Variants in CPLX4 observed in about 807,000 individuals in gnomAD.
CPLX4 encodes the protein complexin-4.
Under a neutral mutation model 16.1 loss-of-function variants are expected in CPLX4, and 17 were observed. That is an observed-to-expected ratio of 1.06 (90% CI 0.72 to 1.59). CPLX4 has a LOEUF of 1.59. Ranked by LOEUF, CPLX4 falls within the 40% of genes most tolerant of loss-of-function variation. CPLX4 has a pLI of 0.00. For missense variants in CPLX4, 193 were observed against 192.9 expected, an observed-to-expected ratio of 1.00 and a Z score of 0.00; for synonymous variants, 55 against 57.8, an observed-to-expected ratio of 0.95 and a Z score of 0.22.
chr18:59,312,650 T>C (rs892839806), intron 2 of CPLX4, 35 bp downstream of exon 2: 10 of 871,050 alleles, frequency 1.1e-5, no homozygotes, highest in Admixed American at 1.8e-5. Context: ...TTATCATTAA[T>C]TAAGAAATGA....
intron 2 of CPLX4, among the ~76,000 whole-genome samples, chr18:59,306,758 C>T (rs568657789): frequency 5.9e-5 from 9 of 152,294 alleles, no homozygotes; most frequent in African/African-American, 1.4e-4. Context: ...TGCTCCCCGT[C>T]GGGCCTTGGT....
At chr18:59,312,897 C>A in intron 1 of CPLX4, 125 bp from the exon 2 acceptor site, 1 of 525,402 alleles carries the variant, frequency 1.9e-6, no homozygotes. Context: ...CACTTGGGAA[C>A]TATGGGATTT....
chr18:59,317,778 A>G (rs1186379863), intron 1 of CPLX4, among the ~76,000 whole-genome samples: 1 of 151,052 alleles, frequency 6.6e-6, no homozygotes, highest in African/African-American at 2.4e-5. Context: ...AGTCTTTGAT[A>G]AGCCAAGTCT....
At chr18:59,303,277 C>T (rs1327551067) in intron 2 of CPLX4, among the ~76,000 whole-genome samples, 1 of 152,142 alleles carries the variant, frequency 6.6e-6, no homozygotes, top group Non-Finnish European at 1.5e-5. Context: ...GAAGAATAGG[C>T]ATCAGTTTTC....
At position 59,318,370 on chromosome 18, in the gene CPLX4, T is replaced by G. The variant is rs1226070470; in HGVS notation, c.93A>C (p.Ala31=). 5 of 1,613,982 alleles carry G rather than the reference T, an allele frequency of 3.1e-6. No individual in the cohort carries two copies. The South Asian group carries it at 3.3e-5, about 11-fold the overall frequency. The stretch of plus-strand genomic sequence containing the variant: ...TCCCTTGAGCTGCTGCAGGATCAGA[T>G]GCACCTCCTTCTTCTTTATTTTCTT... ...GSEENKEEGG[A]SDPAAAQGMT... is the part of the protein sequence containing the mutation. Residue 31 remains alanine, a synonymous_variant, in exon 1 of 3, where the codon GCA becomes GCC. Transcript: ENST00000299721.
In CPLX4 at chr18:59,296,977, C is replaced by T. The variant is rs991017232; in HGVS notation, c.256-52G>A. ...TAAATAACTCTAAACTACTAACTCA[C>T]TAACTAAATAAATTTTAAAAGCAGC... is the stretch of plus-strand genomic sequence containing the variant. On this transcript the variant is annotated intron_variant, in intron 2 of 2. Transcript: ENST00000299721. The T allele has an allele frequency of 1.4e-5, 22 of 1,562,822 alleles. No individual in the cohort carries two copies. In the South Asian group the frequency reaches 1.4e-4, roughly 10 times the overall value.
chr18:59,304,915 T>G (rs1181033275), intron 2 of CPLX4, among the ~76,000 whole-genome samples: 1 of 141,644 alleles, frequency 7.1e-6, no homozygotes, highest in Non-Finnish European at 1.5e-5. Context: ...ATCCATTTAC[T>G]CAACAATCAG....
Position 59,318,642 on chromosome 18 carries a change from C to A in CPLX4, c.-180G>T, listed in dbSNP as rs557558269. 30 of 1,182,206 alleles carry A rather than the reference C, an allele frequency of 2.5e-5. No homozygotes were observed. Among genetic ancestry groups the A allele is most frequent in the Non-Finnish European group, 3.2e-5 (28 of 886,714 alleles). The allele number at this position is 1,182,206 out of a possible 1,614,324, so 73.2% of individuals were successfully genotyped here. ...TGATAGAGAAGAGTGGTTTGTCGGCCGTAAGCTGGATTAAAGTGGTGAACT... is the reference window on the plus strand; with the variant it reads ...TGATAGAGAAGAGTGGTTTGTCGGCAGTAAGCTGGATTAAAGTGGTGAACT... On this transcript the variant is annotated 5_prime_UTR_variant, in exon 1 of 3. Transcript: ENST00000299721.
At chr18:59,299,772 G>A (rs1458451972) in intron 2 of CPLX4, among the ~76,000 whole-genome samples, 1 of 152,180 alleles carries the variant, frequency 6.6e-6, no homozygotes, top group Non-Finnish European at 1.5e-5. Flanking sequence ...AGTTCTCAAA[G>A]TGGGTTCTCC....
chr18:59,317,160 G>A (rs1316285819), intron 1 of CPLX4, among the ~76,000 whole-genome samples: 2 of 152,112 alleles, frequency 1.3e-5, no homozygotes, highest in African/African-American at 2.4e-5. Flanking sequence ...TCCACTAAAC[G>A]TAGTCTTTGT....
At chr18:59,309,093 A>G (rs1055094248) in intron 2 of CPLX4, among the ~76,000 whole-genome samples, 1 of 152,252 alleles carries the variant, frequency 6.6e-6, no homozygotes, top group African/African-American at 2.4e-5. Flanking sequence ...CAGTCTGCCC[A>G]GAGTAGCCGA....
Position 59,296,456 on chromosome 18 carries a change from C to T in CPLX4, c.*242G>A. 1.8e-6 allele frequency: 1 copy of T among 550,296 alleles called. No individual in the cohort carries two copies. Among genetic ancestry groups the T allele is most frequent in the East Asian group, 3.2e-5 (1 of 31,100 alleles). 34.1% of individuals were successfully genotyped at this position (550,296 alleles called of 1,614,324 possible). A position where few individuals can be genotyped will look rare whatever the true frequency, so the allele number is the denominator to read the frequency against. On this transcript the variant is annotated 3_prime_UTR_variant, in exon 3 of 3. Transcript: ENST00000299721. ...GATATGTGTTCTGCATCATCATTTA[C>T]AACTGAAATTTTCCAGTTTATCTCA...
chr18:59,318,166 G>A, intron 1 of CPLX4, 130 bp downstream of exon 1: 1 of 1,406,338 alleles, frequency 7.1e-7, no homozygotes, highest in Non-Finnish European at 9.3e-7. Context: ...ACCTTTCCTT[G>A]GGTTAGAGGT....
At chr18:59,302,821 G>A (rs547058276) in intron 2 of CPLX4, among the ~76,000 whole-genome samples, 17 of 152,322 alleles carry the variant, frequency 1.1e-4, no homozygotes, top group African/African-American at 3.6e-4. Context: ...ATCTTAGATG[G>A]TTATGTCTTC....
At chr18:59,304,964 T>C (rs2070566923) in intron 2 of CPLX4, among the ~76,000 whole-genome samples, 1 of 144,624 alleles carries the variant, frequency 6.9e-6, no homozygotes, top group South Asian at 2.2e-4. Context: ...TGTGTGTGTG[T>C]GTGCAATTTT....
At position 59,318,205 on chromosome 18, in the gene CPLX4, A is replaced by T. The variant is rs1266032237; in HGVS notation, c.167+91T>A. On this transcript the variant is annotated intron_variant, in intron 1 of 2. Coordinates refer to ENST00000299721, the MANE Select transcript of CPLX4 (RefSeq NM_181654.4). ...CGGCAAAAGGAAAGGCATCTTAAAA[A>T]GCAAAGAGAAATAAACTGGAGAACT... 7 of 1,456,414 alleles carry T rather than the reference A, an allele frequency of 4.8e-6. No individual in the cohort carries two copies. The Admixed American group carries it at 7.1e-5, about 15-fold the overall frequency. 90.2% of individuals were successfully genotyped at this position (1,456,414 alleles called of 1,614,324 possible).
intron 1 of CPLX4, among the ~76,000 whole-genome samples, chr18:59,313,526 A>T (rs767814377): frequency 2.6e-5 from 4 of 152,226 alleles, no homozygotes; most frequent in Admixed American, 6.5e-5. Flanking sequence ...TGCAAGGCTC[A>T]CAAGCACCAC....
At chr18:59,315,097 G>A (rs1050457569) in intron 1 of CPLX4, among the ~76,000 whole-genome samples, 2 of 152,270 alleles carry the variant, frequency 1.3e-5, no homozygotes, top group South Asian at 2.1e-4. Context: ...GAAACAGCAC[G>A]ACCTTTCTCC....
At chr18:59,308,270 T>A (rs138999380) in intron 2 of CPLX4, among the ~76,000 whole-genome samples, 38 of 152,164 alleles carry the variant, frequency 2.5e-4, no homozygotes, top group African/African-American at 8.7e-4. Flanking sequence ...TAAGCTTCAT[T>A]TATTCAGTCA....
Sources: gnomAD v4.1 joint callset for allele counts (sites outside exome capture counted in the v4.1 genomes callset) on GRCh38, gnomAD v4.1.1 for gene constraint, MANE v1.5 for transcripts, NCBI Gene and HGNC (gene_info 2026-07-23, HGNC 2026-07-21) for gene names.